The following DYNC1H1 variants were observed in gnomAD, a reference collection of about 807,000 sequenced individuals.
DYNC1H1 encodes cytoplasmic dynein 1 heavy chain 1.
DYNC1H1 carries 51 observed loss-of-function variants against 527.1 expected under a neutral mutation model. The observed-to-expected ratio is 0.10, with a 90% confidence interval of 0.08 to 0.12. The LOEUF (loss-of-function observed/expected upper bound fraction) is 0.12, where lower values mean the gene tolerates loss of function less well. Among genes scored for constraint, DYNC1H1 ranks in the 10% least tolerant of loss-of-function variants. The pLI, the probability that DYNC1H1 is intolerant of heterozygous loss-of-function variation, is 1.00. For missense variants in DYNC1H1, 2,771 were observed against 5,971.8 expected (o/e 0.46, Z 17.66); for synonymous variants, 2,189 against 2,278.8 (o/e 0.96, Z 1.12).
intron 34 of DYNC1H1, among the ~76,000 whole-genome samples, chr14:102,014,163 T>C (rs2048292771): frequency 6.6e-6 from 1 of 152,218 alleles, no homozygotes; most frequent in Admixed American, 6.5e-5. Context: ...GTTAAGGCTC[T>C]GGAGTCCGAC....
rs752624951 is a variant in DYNC1H1 at position 102,015,807 on chromosome 14, TC to T, written c.7243-48del. On this transcript the variant is annotated intron_variant, in intron 35 of 77. Transcript: ENST00000360184. The surrounding 1 kb of genome is among the most constrained non-coding windows in gnomAD (Gnocchi z 6.9). ...GGGACCAGGTTAGAATCGATGAAAC[TC>T]GCCTGCCTTTTGAAAGATAGTTAAG... 1.2e-6 allele frequency: 2 copies of T among 1,601,694 alleles called. No individual in the cohort carries two copies. Among genetic ancestry groups the T allele is most frequent in the East Asian group, 4.5e-5 (2 of 44,690 alleles).
At chr14:102,050,239 C>A in intron 77 of DYNC1H1, 41 bp downstream of exon 77, 1 of 1,613,760 alleles carries the variant, frequency 6.2e-7, no homozygotes, top group Non-Finnish European at 8.5e-7. Flanking sequence ...TGCAGGGACC[C>A]CTGCGGTAAC....
Position 101,976,645 on chromosome 14 carries a change from T to A in DYNC1H1, c.344+846T>A, listed in dbSNP as rs17540638. 5.5e-3 allele frequency among the ~76,000 whole-genome samples: 835 copies of A among 152,288 alleles called. 16 individuals carry two copies. The highest frequency in any genetic ancestry group is 0.037 in the East Asian group (190 of 5,192). On this transcript the variant is annotated intron_variant, in intron 2 of 77. Transcript: ENST00000360184. ...TCTTCAAATTAGGAAGTTTTCCAAT[T>A]CAATATAAATTCTAAAATACTGTCC...
chr14:101,977,891 T>G (rs2047819829), intron 2 of DYNC1H1, among the ~76,000 whole-genome samples: 1 of 152,164 alleles, frequency 6.6e-6, no homozygotes, highest in African/African-American at 2.4e-5. Flanking sequence ...TTTTTTGGGT[T>G]GTTTGTTTAT....
At chr14:101,970,473 GTTTTTTTTTTTTTTT>G (rs958653217) in intron 1 of DYNC1H1, among the ~76,000 whole-genome samples, 1 of 81,436 alleles carries the variant, frequency 1.2e-5, no homozygotes, top group Non-Finnish European at 2.5e-5. Flanking sequence ...GTTTGTTGTT[GTTTTTTTTTTTTTTT>G]TTTTTTTTTT....
chr14:102,040,747 A>G, intron 64 of DYNC1H1, 74 bp downstream of exon 64: 2 of 1,547,890 alleles, frequency 1.3e-6, no homozygotes, highest in African/African-American at 1.4e-5. Context: ...GATGCTTTCA[A>G]AAAACACAAA....
chr14:102,010,190 AT>A lies in DYNC1H1; in HGVS notation c.6222-85del. 1 of 1,612,344 alleles carries A rather than the reference AT, an allele frequency of 6.2e-7. No individual in the cohort carries two copies. The highest frequency in any genetic ancestry group is 1.1e-5 in the South Asian group (1 of 90,806). Reference sequence around the variant, plus strand: ...GTAATGATGGTACGTCTTTCAAAATATCCATCTCTGGTTTCTTGACACTTGA... The same window carrying A: ...GTAATGATGGTACGTCTTTCAAAATACCATCTCTGGTTTCTTGACACTTGA... On this transcript the variant is annotated intron_variant, in intron 30 of 77. Coordinates refer to ENST00000360184, the MANE Select transcript of DYNC1H1 (RefSeq NM_001376.5). The surrounding 1 kb of genome is among the most constrained non-coding windows in gnomAD (Gnocchi z 6.0).
chr14:102,026,023 G>A (rs1029743282), intron 43 of DYNC1H1, among the ~76,000 whole-genome samples: 8 of 151,608 alleles, frequency 5.3e-5, no homozygotes, highest in African/African-American at 1.7e-4. Flanking sequence ...GCTGAGGCAG[G>A]AGAATTGCTT....
At position 101,980,557 on chromosome 14, in the gene DYNC1H1, A is replaced by G. The variant is rs777442136; in HGVS notation, c.961+7A>G. The stretch of plus-strand genomic sequence containing the variant: ...AGTTTTGACACTGACACAGGTAACA[A>G]CTAGAACTAATAATCTGATCAGTAA... On this transcript the variant is annotated splice_region_variant and intron_variant, in intron 5 of 77. Coordinates refer to ENST00000360184, the MANE Select transcript of DYNC1H1 (RefSeq NM_001376.5). 8 of 1,613,868 alleles carry G rather than the reference A, an allele frequency of 5.0e-6. No homozygotes were observed. The South Asian group carries it at 8.8e-5, about 18-fold the overall frequency.
intron 15 of DYNC1H1, among the ~76,000 whole-genome samples, chr14:101,996,624 T>G (rs1026932317): frequency 9.2e-5 from 14 of 152,134 alleles, no homozygotes; most frequent in African/African-American, 3.4e-4. Flanking sequence ...GTTGATCTTC[T>G]GTGTTTTGTT....
chr14:101,997,534 G>A lies in DYNC1H1; in HGVS notation c.3804+260G>A, dbSNP rs377578406. ...TTCTGTTCTTAGATCATTCTCTTAC[G>A]TAGATATGCGCAGAAATTAGAGTTT... On this transcript the variant is annotated intron_variant, in intron 16 of 77. Transcript: ENST00000360184. This position sits in a 1 kb window ranked among gnomAD's most constrained non-coding sequence, Gnocchi z 4.8. Among the ~76,000 whole-genome samples, 235 of 152,290 alleles carry A rather than the reference G, an allele frequency of 1.5e-3. 5 individuals carry two copies. In the South Asian group the frequency reaches 0.048, roughly 31 times the overall value.
Position 102,047,994 on chromosome 14 carries a change from T to C in DYNC1H1, c.13184T>C (p.Leu4395Pro). 6.2e-7 allele frequency: 1 copy of C among 1,612,294 alleles called. No individual in the cohort carries two copies. Among genetic ancestry groups the C allele is most frequent in the Non-Finnish European group, 8.5e-7 (1 of 1,179,962 alleles). Reference protein sequence around the residue: ...SNWLHLIPQTLSHLKRTVENI... With the variant: ...SNWLHLIPQTPSHLKRTVENI... ...TGGCTGCACCTCATCCCCCAGACGC[T>C]GAGCCACCTCAAGCGCACCGTGGAG... The change falls in exon 73 of 78, where the codon CTG becomes CCG. Residue 4395 changes from leucine (L) to proline (P), a missense_variant. By Grantham distance (98) the Leu-to-Pro change is moderately conservative. Transcript: ENST00000360184.
Position 102,012,538 on chromosome 14 carries a change from T to C in DYNC1H1, c.7014+68T>C. On this transcript the variant is annotated intron_variant, in intron 34 of 77. Transcript: ENST00000360184. This position sits in a 1 kb window ranked among gnomAD's most constrained non-coding sequence, Gnocchi z 4.9. ...GGCCAACTAAACTTCGTGTGCTAGC[T>C]AAGTGCAGCTCTGGAGTCATGGACC... 2.5e-6 allele frequency: 4 copies of C among 1,600,378 alleles called. No homozygotes were observed. In the South Asian group the frequency reaches 3.3e-5, roughly 13 times the overall value.
At position 101,979,809 on chromosome 14, in the gene DYNC1H1, G is replaced by A. The variant is rs138702876; in HGVS notation, c.609G>A (p.Pro203=). The A allele has an allele frequency of 1.9e-5, 31 of 1,613,980 alleles. No homozygotes were observed. The highest frequency in any genetic ancestry group is 4.0e-5 in the African/African-American group (3 of 74,886). The part of the protein sequence containing the change: ...LLHLQQNIEI[P]EISLPIHPMI... ...ACTTGCAGCAAAATATTGAAATTCC[G>A]GAGATCAGCCTGCCGATTCATCCAA... is the stretch of plus-strand genomic sequence containing the variant. The change falls in exon 4 of 78, where the codon CCG becomes CCA. Residue 203 remains proline (P), a synonymous_variant. Coordinates refer to ENST00000360184, the MANE Select transcript of DYNC1H1 (RefSeq NM_001376.5). The surrounding 1 kb of genome is among the most constrained non-coding windows in gnomAD (Gnocchi z 4.6).
rs75969471 is a variant in DYNC1H1, at chr14:101,965,959, T to C, written c.256+1012T>C. On this transcript the variant is annotated intron_variant, in intron 1 of 77. Transcript: ENST00000360184. The surrounding 1 kb of genome is among the most constrained non-coding windows in gnomAD (Gnocchi z 4.1). ...GTCTGGGGCTTGCCTGCAGGCAGGC[T>C]TTCTCATGGATTCATTACAACCACT... is the stretch of plus-strand genomic sequence containing the variant. Among the ~76,000 whole-genome samples the C allele has an allele frequency of 6.2e-3, 942 of 152,258 alleles. 9 individuals are homozygous for C. Among genetic ancestry groups the C allele is most frequent in the African/African-American group, 0.022 (915 of 41,550 alleles).
chr14:101,995,033 T>A lies in DYNC1H1; in HGVS notation c.3381T>A (p.Val1127=). The A allele has an allele frequency of 6.2e-7, 1 of 1,614,206 alleles. No individual in the cohort carries two copies. Among genetic ancestry groups the A allele is most frequent in the Non-Finnish European group, 8.5e-7 (1 of 1,180,030 alleles). ...NLKYDSWHKE[V]LSKFGQMLGS... The stretch of plus-strand genomic sequence containing the variant: ...AATATGACTCTTGGCATAAGGAGGT[T>A]CTTAGCAAATTTGGGCAGATGCTAG... Residue 1127 remains valine, a synonymous_variant, in exon 14 of 78, where the codon GTT becomes GTA. Transcript: ENST00000360184.
At chr14:101,976,896 A>T (rs1225749408) in intron 2 of DYNC1H1, among the ~76,000 whole-genome samples, 1 of 152,222 alleles carries the variant, frequency 6.6e-6, no homozygotes, top group East Asian at 1.9e-4. Flanking sequence ...CTATTTATGT[A>T]TTGTTTATGT....
At chr14:102,035,932 GT>G (rs17541477) in intron 56 of DYNC1H1, 4 of 154,936 alleles carry the variant, frequency 2.6e-5, no homozygotes, top group East Asian at 1.9e-4. Flanking sequence ...TACCAGTTGG[GT>G]TTTTTTTTAA....
At chr14:102,004,470 A>G in intron 23 of DYNC1H1, 48 bp from the exon 24 acceptor site, 1 of 1,562,548 alleles carries the variant, frequency 6.4e-7, no homozygotes, top group Non-Finnish European at 8.7e-7. Flanking sequence ...GATTCACCTT[A>G]TATGTGTATA....
Sources: allele counts gnomAD v4.1 joint callset (sites outside exome capture counted in the v4.1 genomes callset), GRCh38; gene constraint gnomAD v4.1.1; non-coding constraint Gnocchi (gnomAD v3.1); transcripts MANE v1.5; gene names NCBI Gene and HGNC (gene_info 2026-07-23, HGNC 2026-07-21).